The following PGM2 variants were observed in gnomAD, a reference collection of about 807,000 sequenced individuals.
PGM2 encodes the protein phosphopentomutase.
A neutral mutation model predicts 74.6 loss-of-function variants in PGM2; 57 were observed. The ratio of observed to expected loss-of-function variants is 0.76; its 90% CI spans 0.62 to 0.95. The LOEUF (loss-of-function observed/expected upper bound fraction) is 0.95, where lower values mean the gene tolerates loss of function less well. Ranked by LOEUF, PGM2 falls within the 40% of genes least tolerant of loss-of-function variation. PGM2 has a pLI of 0.00. For synonymous variants in PGM2, 273 were observed against 260.7 expected (o/e 1.05, Z -0.46); for missense variants, 706 against 741.9 (o/e 0.95, Z 0.56).
chr4:37,847,019 C>G lies in PGM2; in HGVS notation c.1096C>G (p.Arg366Gly), dbSNP rs151106378. The change falls in exon 9 of 14, where the codon CGC (arginine) becomes GGC (glycine). Residue 366 changes from arginine to glycine, a missense_variant. Around this residue, in one of 3 missense-constraint regions of PGM2, gnomAD observed 359 missense variants for 371.1 expected, o/e 0.97. Coordinates refer to ENST00000381967, the MANE Select transcript of PGM2 (RefSeq NM_018290.4). ...FTSWKEKNQD[R>G]SALKDTYMLS... ...ATCTTGGAAAGAGAAGAACCAGGAT[C>G]GCAGTGCTCTCAAAGACACGTACAT... 5.6e-6 allele frequency: 9 copies of G among 1,613,176 alleles called. No homozygotes were observed. Among genetic ancestry groups the G allele is most frequent in the African/African-American group, 1.3e-5 (1 of 74,976 alleles).
chr4:37,839,994 T>G, intron 5 of PGM2, 63 bp downstream of exon 5: 4 of 1,517,436 alleles, frequency 2.6e-6, no homozygotes, highest in East Asian at 2.3e-5. Context: ...CTGTAATTTT[T>G]GGGACCATAG....
intron 11 of PGM2, among the ~76,000 whole-genome samples, chr4:37,849,404 C>CTTTT (rs34587864): frequency 3.2e-5 from 2 of 62,802 alleles, no homozygotes; most frequent in Non-Finnish European, 6.2e-5. Flanking sequence ...TGTTGGACCT[C>CTTTT]TTTTTTTTTT....
At chr4:37,858,012 T>G (rs2152182402) in intron 13 of PGM2, among the ~76,000 whole-genome samples, 1 of 152,336 alleles carries the variant, frequency 6.6e-6, no homozygotes, top group Admixed American at 6.5e-5. Context: ...TTTCTGTATC[T>G]TGTCCTTTCC....
rs182034084 is a variant in PGM2 at position 37,856,043 on chromosome 4, A to T, written c.1736+302A>T. Among the ~76,000 whole-genome samples, 618 of 152,120 alleles carry T rather than the reference A, an allele frequency of 4.1e-3. 2 individuals are homozygous for T. Among genetic ancestry groups the T allele is most frequent in the African/African-American group, 0.014 (569 of 41,510 alleles). On this transcript the variant is annotated intron_variant, in intron 13 of 13. Coordinates refer to ENST00000381967, the MANE Select transcript of PGM2 (RefSeq NM_018290.4). ...TTCATTGGTAGCTAACACCAATGAGATTTTCTCTTTTTCTCAAACTTCAGT... is the reference window on the plus strand; with the variant it reads ...TTCATTGGTAGCTAACACCAATGAGTTTTTCTCTTTTTCTCAAACTTCAGT...
In PGM2 at chr4:37,830,043, G is replaced by T. The variant is rs373814980; in HGVS notation, c.161G>T (p.Arg54Leu). Residue 54 changes from arginine (R) to leucine (L), a missense_variant, in exon 2 of 14, where the codon CGA becomes CTA. By Grantham distance (102) the Arg-to-Leu change is moderately radical. Around this residue, in one of 3 missense-constraint regions of PGM2, gnomAD observed 332 missense variants for 334.9 expected, o/e 0.99. Coordinates refer to ENST00000381967, the MANE Select transcript of PGM2 (RefSeq NM_018290.4). Reference sequence around the variant, plus strand: ...GAACTACGAAAATGTTTTGGGGCCCGAATGGAGTTTGGGACAGCTGGCCTC... The same window carrying T: ...GAACTACGAAAATGTTTTGGGGCCCTAATGGAGTTTGGGACAGCTGGCCTC... ...KEELRKCFGARMEFGTAGLRA... is the reference protein window; with the variant it reads ...KEELRKCFGALMEFGTAGLRA... The T allele has an allele frequency of 2.5e-6, 4 of 1,607,048 alleles. No homozygotes were observed. The highest frequency in any genetic ancestry group is 1.7e-4 in the Middle Eastern group (1 of 6,042).
chr4:37,832,224 T>C (rs1725459717), intron 2 of PGM2, among the ~76,000 whole-genome samples: 1 of 152,192 alleles, frequency 6.6e-6, no homozygotes, highest in Non-Finnish European at 1.5e-5. Flanking sequence ...GAGACAGAGA[T>C]GTGAAGAGTT....
chr4:37,840,519 A>G (rs1725680403), intron 6 of PGM2, among the ~76,000 whole-genome samples: 1 of 152,202 alleles, frequency 6.6e-6, no homozygotes, highest in Admixed American at 6.5e-5. Context: ...AGTAGCTGGT[A>G]TCACAGGCGT....
intron 6 of PGM2, 59 bp downstream of exon 6, chr4:37,840,318 A>C: frequency 3.0e-6 from 3 of 1,002,006 alleles, no homozygotes; most frequent in Non-Finnish European, 4.7e-6. Context: ...GCCAAATTCT[A>C]TTAGTGTTTG....
intron 3 of PGM2, among the ~76,000 whole-genome samples, chr4:37,836,688 T>C (rs1725574253): frequency 6.6e-6 from 1 of 152,250 alleles, no homozygotes; most frequent in South Asian, 2.1e-4. Context: ...TTGTTCATTC[T>C]AAGTAAATCG....
At chr4:37,839,515 A>G (rs1342456576) in intron 4 of PGM2, 2 of 485,586 alleles carry the variant, frequency 4.1e-6, no homozygotes, top group Non-Finnish European at 8.1e-6. Flanking sequence ...CTTCTGTCTC[A>G]GGTAGAAGCA....
intron 13 of PGM2, among the ~76,000 whole-genome samples, chr4:37,861,084 G>A (rs951543347): frequency 2.0e-5 from 3 of 152,140 alleles, no homozygotes; most frequent in African/African-American, 7.2e-5. Flanking sequence ...CATCACAAAT[G>A]TCTGTATTCT....
chr4:37,853,512 T>C (rs1232873666), intron 12 of PGM2, among the ~76,000 whole-genome samples: 1 of 152,158 alleles, frequency 6.6e-6, no homozygotes. Context: ...TGTTTTGGAC[T>C]TTGTCTTTTA....
At chr4:37,834,230 A>T (rs1725505202) in intron 2 of PGM2, among the ~76,000 whole-genome samples, 1 of 129,908 alleles carries the variant, frequency 7.7e-6, no homozygotes, top group African/African-American at 3.9e-5. Flanking sequence ...GCTTCTCAGG[A>T]GGCTGAGGTA....
At chr4:37,850,146 TTGTTCCTCA>T in intron 11 of PGM2, 29 bp from the exon 12 acceptor site, 1 of 1,194,410 alleles carries the variant, frequency 8.4e-7, no homozygotes, top group Admixed American at 2.3e-5. Flanking sequence ...ACAAAATTAT[TTGTTCCTCA>T]TGTGCATGAA....
At chr4:37,828,999 T>G (rs1339449305) in intron 1 of PGM2, among the ~76,000 whole-genome samples, 1 of 152,228 alleles carries the variant, frequency 6.6e-6, no homozygotes, top group Non-Finnish European at 1.5e-5. Flanking sequence ...TGCAGTAGTA[T>G]TTCAAAGTTT....
intron 2 of PGM2, among the ~76,000 whole-genome samples, chr4:37,832,373 A>G (rs979313578): frequency 3.3e-5 from 5 of 152,240 alleles, no homozygotes; most frequent in Admixed American, 3.3e-4. Flanking sequence ...GAATGCTGAT[A>G]TGCAAATATA....
chr4:37,849,151 C>T (rs994454985), intron 11 of PGM2, among the ~76,000 whole-genome samples: 2 of 151,748 alleles, frequency 1.3e-5, no homozygotes, highest in African/African-American at 4.8e-5. Flanking sequence ...AATTACTATT[C>T]CCGATCGCAT....
intron 11 of PGM2, 112 bp from the exon 12 acceptor site, chr4:37,850,072 C>A (rs1438947498): frequency 3.2e-6 from 2 of 627,346 alleles, no homozygotes; most frequent in African/African-American, 2.0e-5. Flanking sequence ...ACAGGCGTGA[C>A]CCACCACACC....
intron 10 of PGM2, 74 bp from the exon 11 acceptor site, chr4:37,848,448 A>G: frequency 4.6e-6 from 6 of 1,302,918 alleles, no homozygotes; most frequent in South Asian, 1.3e-5. Flanking sequence ...CTAATATGCA[A>G]TAGCCAGGAT....
Sources: gnomAD v4.1 joint callset for allele counts (sites outside exome capture counted in the v4.1 genomes callset) on GRCh38, gnomAD v4.1.1 for gene constraint, gnomAD v4.1.1 regional missense constraint, MANE v1.5 for transcripts, NCBI Gene and HGNC (gene_info 2026-07-23, HGNC 2026-07-21) for gene names.